The following TFCP2L1 variants were observed in gnomAD, a reference collection of about 807,000 sequenced individuals.
TFCP2L1 encodes transcription factor CP2-like protein 1.
TFCP2L1 carries 12 observed loss-of-function variants against 72.2 expected under a neutral mutation model. That is an observed-to-expected ratio of 0.17 (90% confidence interval 0.11 to 0.27). TFCP2L1 has a LOEUF of 0.27. TFCP2L1 is among the 10% of genes least tolerant of loss of function. The pLI is 1.00. For synonymous variants in TFCP2L1, 260 were observed against 251.0 expected, an observed-to-expected ratio of 1.04 and a Z score of -0.34; for missense variants, 488 against 624.6, an observed-to-expected ratio of 0.78 and a Z score of 2.33.
intron 2 of TFCP2L1, among the ~76,000 whole-genome samples, chr2:121,271,131 A>C (rs374832930): frequency 1.3e-5 from 2 of 151,778 alleles, no homozygotes; most frequent in South Asian, 2.1e-4. Context: ...AAAAGATTGC[A>C]GTGAGCCGAG....
At chr2:121,276,490 G>A (rs1041639037) in intron 2 of TFCP2L1, among the ~76,000 whole-genome samples, 4 of 151,872 alleles carry the variant, frequency 2.6e-5, no homozygotes, top group African/African-American at 7.3e-5. Context: ...AAAATTAGCC[G>A]GGTGTGGTGG....
intron 2 of TFCP2L1, among the ~76,000 whole-genome samples, chr2:121,258,475 C>T (rs1027697203): frequency 2.0e-5 from 3 of 152,216 alleles, no homozygotes; most frequent in Non-Finnish European, 2.9e-5. Context: ...AACCTTGGGG[C>T]CACCACAGAG....
chr2:121,235,615 T>A (rs1402890789), intron 10 of TFCP2L1, among the ~76,000 whole-genome samples: 1 of 147,458 alleles, frequency 6.8e-6, no homozygotes. Flanking sequence ...AAGGTCTCAA[T>A]ATATTGCCTA....
chr2:121,225,431 G>T, intron 14 of TFCP2L1, 131 bp downstream of exon 14: 1 of 863,974 alleles, frequency 1.2e-6, no homozygotes, highest in Non-Finnish European at 1.9e-6. Context: ...TAGCTTTCAC[G>T]GAGAGTTTGT....
At chr2:121,260,984 T>G (rs567967308) in intron 2 of TFCP2L1, among the ~76,000 whole-genome samples, 1 of 152,368 alleles carries the variant, frequency 6.6e-6, no homozygotes, top group African/African-American at 2.4e-5. Flanking sequence ...GAGGGCTGGA[T>G]GCCAACTGTC....
At chr2:121,255,708 A>G (rs1367914613) in intron 2 of TFCP2L1, among the ~76,000 whole-genome samples, 2 of 151,002 alleles carry the variant, frequency 1.3e-5, no homozygotes, top group South Asian at 4.2e-4. Flanking sequence ...TGGCTCCAAT[A>G]TTCAAGGAGT....
intron 7 of TFCP2L1, among the ~76,000 whole-genome samples, chr2:121,241,565 G>A (rs1686368561): frequency 6.6e-6 from 1 of 151,574 alleles, no homozygotes; most frequent in Non-Finnish European, 1.5e-5. Flanking sequence ...GACATATGGA[G>A]GGTTGGAGCA....
chr2:121,275,383 C>A, intron 2 of TFCP2L1, among the ~76,000 whole-genome samples: 1 of 84,722 alleles, frequency 1.2e-5, no homozygotes, highest in African/African-American at 5.1e-5. Flanking sequence ...TGGGCGACAG[C>A]ACGAGACTCC....
chr2:121,245,081 G>A (rs2580346), intron 6 of TFCP2L1, among the ~76,000 whole-genome samples: 2,468 of 152,280 alleles, frequency 0.016, 58 homozygotes, highest in African/African-American at 0.055. Context: ...AGATTGCTAC[G>A]CAACTGATGC....
intron 2 of TFCP2L1, among the ~76,000 whole-genome samples, chr2:121,255,392 TG>T (rs1242083534): frequency 6.6e-6 from 1 of 152,110 alleles, no homozygotes; most frequent in Non-Finnish European, 1.5e-5. Context: ...GAGAGGGAGC[TG>T]GTCTTAGAAT....
In TFCP2L1 at chr2:121,285,089, C is replaced by T; in HGVS notation, c.21G>A (p.Gln7=). MLFWHT[Q]PEHYNQHNSG... ...AGTTGTGCTGGTTGTAGTGCTCGGG[C>T]TGCGTGTGCCAGAAGAGCATGGCTG... is the stretch of plus-strand genomic sequence containing the variant. Residue 7 remains glutamine (Q), a synonymous_variant, in exon 1 of 15, where the codon CAG becomes CAA. Transcript: ENST00000263707. 1 of 1,523,368 alleles carries T rather than the reference C, an allele frequency of 6.6e-7. No individual in the cohort carries two copies. Among genetic ancestry groups the T allele is most frequent in the East Asian group, 2.8e-5 (1 of 35,932 alleles). 94.4% of individuals were successfully genotyped at this position (1,523,368 alleles called of 1,614,324 possible).
At chr2:121,281,374 G>A (rs1558749228) in intron 1 of TFCP2L1, 103 bp from the exon 2 acceptor site, 2 of 1,344,824 alleles carry the variant, frequency 1.5e-6, no homozygotes, top group Middle Eastern at 2.0e-4. Flanking sequence ...GGGGCCCAGG[G>A]TGACACGGCA....
chr2:121,256,107 C>T (rs2104719643), intron 2 of TFCP2L1, among the ~76,000 whole-genome samples: 1 of 152,334 alleles, frequency 6.6e-6, no homozygotes, highest in East Asian at 1.9e-4. Flanking sequence ...CCTCCCGCTT[C>T]TCCTAAGGTT....
At chr2:121,282,321 A>T (rs1190839747) in intron 1 of TFCP2L1, among the ~76,000 whole-genome samples, 4 of 51,670 alleles carry the variant, frequency 7.7e-5, no homozygotes, top group South Asian at 5.9e-4. Flanking sequence ...CTCCACATTA[A>T]AAAAAAAAAA....
Position 121,265,713 on chromosome 2 carries a change from AC to A in TFCP2L1, c.214+15406del, listed in dbSNP as rs1686916817. ...TAGCCAGGCTGGTCTCGAACTCCTGACCTCAGAAGATCCGCCTGCCTCGGCC... is the reference window on the plus strand; with the variant it reads ...TAGCCAGGCTGGTCTCGAACTCCTGACTCAGAAGATCCGCCTGCCTCGGCC... On this transcript the variant is annotated intron_variant, in intron 2 of 14. Coordinates refer to ENST00000263707, the MANE Select transcript of TFCP2L1 (RefSeq NM_014553.3). Among the ~76,000 whole-genome samples, 3 of 151,780 alleles carry A rather than the reference AC, an allele frequency of 2.0e-5. No homozygotes were observed. The South Asian group carries it at 6.3e-4, about 32-fold the overall frequency.
chr2:121,230,024 A>G (rs78269897), intron 13 of TFCP2L1, among the ~76,000 whole-genome samples: 3,018 of 152,252 alleles, frequency 0.02, 117 homozygotes, highest in African/African-American at 0.067. Context: ...CTCCTTTGCT[A>G]GTCCAGGGTC....
intron 2 of TFCP2L1, among the ~76,000 whole-genome samples, chr2:121,263,535 A>C (rs914217656): frequency 1.8e-4 from 28 of 151,650 alleles, no homozygotes; most frequent in Non-Finnish European, 5.9e-5. Flanking sequence ...CACTTGTAAC[A>C]GTTACGAGAA....
intron 8 of TFCP2L1, 107 bp downstream of exon 8, chr2:121,239,451 C>T (rs1686317521): frequency 7.8e-7 from 1 of 1,281,764 alleles, no homozygotes. Context: ...AGTTAGCTAC[C>T]CTGAAACCCA....
At chr2:121,274,260 C>T (rs1033029292) in intron 2 of TFCP2L1, among the ~76,000 whole-genome samples, 8 of 151,940 alleles carry the variant, frequency 5.3e-5, no homozygotes, top group Non-Finnish European at 7.4e-5. Context: ...TAAATATTTA[C>T]AGAGCACCTA....
Sources: allele counts gnomAD v4.1 joint callset (sites outside exome capture counted in the v4.1 genomes callset), GRCh38; gene constraint gnomAD v4.1.1; transcripts MANE v1.5; gene names NCBI Gene and HGNC (gene_info 2026-07-23, HGNC 2026-07-21).